The following ZNF839 variants were observed in gnomAD, a reference collection of about 807,000 sequenced individuals.
The protein encoded by ZNF839 is zinc finger protein 839, also known as renal carcinoma antigen NY-REN-50.
ZNF839 carries 38 observed loss-of-function variants against 56.4 expected under a neutral mutation model. The ratio of observed to expected loss-of-function variants is 0.67; its 90% confidence interval spans 0.52 to 0.88. The LOEUF (loss-of-function observed/expected upper bound fraction) is 0.88. ZNF839 is among the 40% of genes least tolerant of loss of function. The probability of loss-of-function intolerance (pLI) is 0.00; values close to 1 mark genes in which losing one functional copy is unlikely to be tolerated. For missense variants in ZNF839, 1,091 were observed against 1,177.6 expected (o/e 0.93, Z 1.08); for synonymous variants, 486 against 493.5 (o/e 0.98, Z 0.20).
chr14:102,334,525 C>G (rs774703665), intron 3 of ZNF839, 29 bp from the exon 4 acceptor site: 9 of 1,540,170 alleles, frequency 5.8e-6, no homozygotes, highest in Non-Finnish European at 1.8e-6. Flanking sequence ...ACGGGACATT[C>G]AAAGGCATGA....
intron 2 of ZNF839, among the ~76,000 whole-genome samples, chr14:102,327,211 G>A (rs2073463156): frequency 6.6e-6 from 1 of 152,090 alleles, no homozygotes; most frequent in African/African-American, 2.4e-5. Context: ...CCTGATCTTG[G>A]CTCACTGCAA....
intron 2 of ZNF839, among the ~76,000 whole-genome samples, chr14:102,328,957 G>A (rs1354025889): frequency 6.6e-6 from 1 of 151,560 alleles, no homozygotes; most frequent in Non-Finnish European, 1.5e-5. Context: ...TTACATCTTT[G>A]AGACCCTGCT....
chr14:102,318,052 G>C (rs991601953), upstream of ZNF839, among the ~76,000 whole-genome samples: 2 of 152,214 alleles, frequency 1.3e-5, no homozygotes, highest in African/African-American at 4.8e-5. Flanking sequence ...TACAGACCTT[G>C]GTATGTGCCC....
rs1361270198 is a variant in ZNF839, at chr14:102,326,336, C to T, written c.640C>T (p.Pro214Ser). Reference protein sequence around the residue: ...SMLTPLSASDPLAVTSLSSSS... With the variant: ...SMLTPLSASDSLAVTSLSSSS... Reference sequence around the variant, plus strand: ...GTTGACCCCTTTGTCTGCCTCTGACCCGCTGGCAGTAACATCTCTTTCATC... The same window carrying T: ...GTTGACCCCTTTGTCTGCCTCTGACTCGCTGGCAGTAACATCTCTTTCATC... The change falls in exon 2 of 8, where the codon CCG becomes TCG. Residue 214 changes from proline (P) to serine (S), a missense_variant. Pro to Ser is a moderately conservative substitution (Grantham distance 74). Coordinates refer to ENST00000442396, the MANE Select transcript of ZNF839 (RefSeq NM_018335.6). The surrounding 1 kb of genome is among the most constrained non-coding windows in gnomAD (Gnocchi z 4.3). The T allele has an allele frequency of 1.2e-6, 2 of 1,610,024 alleles. No individual in the cohort carries two copies. The highest frequency in any genetic ancestry group is 3.4e-5 in the Admixed American group (2 of 59,096).
chr14:102,337,196 G>A (rs1885851238), intron 5 of ZNF839: 1 of 152,082 alleles, frequency 6.6e-6, no homozygotes, highest in Non-Finnish European at 1.5e-5. Context: ...TTTTGAGACA[G>A]AGTCTCGCTG....
intron 1 of ZNF839, 97 bp from the exon 2 acceptor site, chr14:102,325,887 GA>G: frequency 7.2e-7 from 1 of 1,386,358 alleles, no homozygotes; most frequent in Non-Finnish European, 9.8e-7. Context: ...ATGTAATTTA[GA>G]AAAAATGTCA....
Position 102,321,960 on chromosome 14 carries a change from G to A in ZNF839, c.288+1907G>A, listed in dbSNP as rs545627278. On this transcript the variant is annotated intron_variant, in intron 1 of 7. Coordinates refer to ENST00000442396, the MANE Select transcript of ZNF839 (RefSeq NM_018335.6). ...CCAATGGACACACTTGGGTCAGATC[G>A]AGGCCCCTGTCTCTCCCCATCCTCC... Among the ~76,000 whole-genome samples, 7 of 152,232 alleles carry A rather than the reference G, an allele frequency of 4.6e-5. 1 individual carries two copies. The highest frequency in any genetic ancestry group is 2.1e-4 in the South Asian group (1 of 4,826).
intron 5 of ZNF839, 80 bp from the exon 6 acceptor site, chr14:102,338,736 T>G: frequency 9.5e-6 from 15 of 1,581,764 alleles, no homozygotes; most frequent in East Asian, 2.3e-5. Context: ...ATGAAGTCGT[T>G]TAATTCTTGC....
intron 3 of ZNF839, among the ~76,000 whole-genome samples, chr14:102,334,258 C>T (rs2139555220): frequency 6.6e-6 from 1 of 152,358 alleles, no homozygotes; most frequent in South Asian, 2.1e-4. Flanking sequence ...GTATGCGGCG[C>T]AGCCTGGGTG....
At position 102,342,229 on chromosome 14, in the gene ZNF839, G is replaced by A. The variant is rs748417097; in HGVS notation, c.*50G>A. ...AGTCGGTCGTCACCGTGGAGCCAGA[G>A]CCCTCACAGTGAAGTGGAGTCAGAT... is the stretch of plus-strand genomic sequence containing the variant. On this transcript the variant is annotated 3_prime_UTR_variant, in exon 8 of 8. Transcript: ENST00000442396. The A allele has an allele frequency of 6.6e-7, 1 of 1,525,020 alleles. No individual in the cohort carries two copies. The allele number at this position is 1,525,020 out of a possible 1,614,324, so 94.5% of individuals were successfully genotyped here.
intron 1 of ZNF839, 119 bp from the exon 2 acceptor site, chr14:102,325,866 T>C (rs932038585): frequency 1.3e-5 from 16 of 1,207,410 alleles, no homozygotes; most frequent in Non-Finnish European, 1.7e-5. Context: ...ACATCAACTT[T>C]TATATGTAAG....
chr14:102,336,939 G>T (rs1438364041), intron 5 of ZNF839: 2 of 193,150 alleles, frequency 1.0e-5, no homozygotes, highest in African/African-American at 4.8e-5. Context: ...TCGCTGTGTT[G>T]TCCACTCTGG....
rs2073018886 is a variant in ZNF839 at position 102,319,791 on chromosome 14, G to C, written c.26G>C (p.Gly9Ala). 1.6e-6 allele frequency: 2 copies of C among 1,232,220 alleles called. No homozygotes were observed. The highest frequency in any genetic ancestry group is 8.5e-5 in the Admixed American group (2 of 23,578). 76.3% of individuals were successfully genotyped at this position (1,232,220 alleles called of 1,614,324 possible). A position where few individuals can be genotyped will look rare whatever the true frequency, so the allele number is the denominator to read the frequency against. The change falls in exon 1 of 8, where the codon GGG (glycine) becomes GCG (alanine). Residue 9 changes from glycine (G) to alanine (A), a missense_variant. Around this residue, in one of 3 missense-constraint regions of ZNF839, gnomAD observed 614 missense variants for 629.2 expected, o/e 0.98. Transcript: ENST00000442396. This position sits in a 1 kb window ranked among gnomAD's most constrained non-coding sequence, Gnocchi z 4.5. Reference protein sequence around the residue: MADAEPEAGGGSEDGGGGG... With the variant: MADAEPEAAGGSEDGGGGG... ...ATGGCGGATGCGGAGCCGGAGGCTG[G>C]GGGCGGCAGCGAGGATGGCGGCGGC...
chr14:102,337,160 T>C (rs539914777), intron 5 of ZNF839: 1 of 152,262 alleles, frequency 6.6e-6, no homozygotes, highest in East Asian at 1.9e-4. Context: ...TTTAGCTACA[T>C]TGGATTTTTT....
At chr14:102,323,862 G>A (rs1449438779) in intron 1 of ZNF839, among the ~76,000 whole-genome samples, 1 of 152,158 alleles carries the variant, frequency 6.6e-6, no homozygotes. Context: ...TACTCATACT[G>A]CAGAGAAAAT....
upstream of ZNF839, chr14:102,319,524 T>C: frequency 2.5e-6 from 1 of 392,972 alleles, no homozygotes; most frequent in East Asian, 4.4e-5. The surrounding 1 kb of genome is among the most constrained non-coding windows in gnomAD (Gnocchi z 4.5). Flanking sequence ...AGAAGGTGAG[T>C]CTTAAACACA....
intron 5 of ZNF839, among the ~76,000 whole-genome samples, chr14:102,336,206 AC>A (rs948357251): frequency 6.6e-6 from 1 of 151,322 alleles, no homozygotes; most frequent in Non-Finnish European, 1.5e-5. Context: ...AAAAAAAAAA[AC>A]TCCATGTATG....
At chr14:102,331,294 G>A (rs990688693) in intron 2 of ZNF839, among the ~76,000 whole-genome samples, 6 of 152,024 alleles carry the variant, frequency 3.9e-5, no homozygotes, top group African/African-American at 1.5e-4. Context: ...TGTCACCCAG[G>A]CTGGAGTGCA....
chr14:102,321,863 G>A (rs1428002607), intron 1 of ZNF839, among the ~76,000 whole-genome samples: 1 of 152,036 alleles, frequency 6.6e-6, no homozygotes, highest in African/African-American at 2.4e-5. Flanking sequence ...GGGGCGGTTG[G>A]GGGTGCATTT....
Sources: gnomAD v4.1 joint callset for allele counts (sites outside exome capture counted in the v4.1 genomes callset) on GRCh38, gnomAD v4.1.1 for gene constraint, gnomAD v4.1.1 regional missense constraint, Gnocchi (gnomAD v3.1) non-coding constraint, MANE v1.5 for transcripts, NCBI Gene and HGNC (gene_info 2026-07-23, HGNC 2026-07-21) for gene names.